PAQR5: variants seen among roughly 807,000 people sequenced by gnomAD.
The protein encoded by PAQR5 is membrane progestin receptor gamma.
PAQR5 carries 20 observed loss-of-function variants against 34.5 expected under a neutral mutation model. The observed-to-expected ratio is 0.58, with a 90% CI of 0.41 to 0.84. The LOEUF is 0.84. Among genes scored for constraint, PAQR5 ranks in the 40% least tolerant of loss-of-function variants. The pLI is 0.00. For missense variants in PAQR5, 378 were observed against 412.7 expected (o/e 0.92, Z 0.73); for synonymous variants, 131 against 155.6 (o/e 0.84, Z 1.18).
At chr15:69,343,032 G>A (rs1047045762) in intron 2 of PAQR5, among the ~76,000 whole-genome samples, 1 of 152,204 alleles carries the variant, frequency 6.6e-6, no homozygotes, top group African/African-American at 2.4e-5. Flanking sequence ...GCTTCTTTGG[G>A]TCAAATGTAT....
At chr15:69,309,526 A>G (rs1463080364) in intron 1 of PAQR5, among the ~76,000 whole-genome samples, 2 of 152,178 alleles carry the variant, frequency 1.3e-5, no homozygotes, top group African/African-American at 2.4e-5. Flanking sequence ...GAAGCCAGAA[A>G]GGGAAGTGGG....
chr15:69,355,091 A>T (rs12909546), intron 2 of PAQR5, among the ~76,000 whole-genome samples: 1 of 151,986 alleles, frequency 6.6e-6, no homozygotes, highest in South Asian at 2.1e-4. Context: ...CCAGCTTGTT[A>T]GAGAGCCTGT....
rs2056714305 is a variant in PAQR5 at position 69,404,068 on chromosome 15, A to G, written c.*246A>G. On this transcript the variant is annotated 3_prime_UTR_variant, in exon 9 of 9. Transcript: ENST00000395407. ...AAGTCCTTGTTAAGGCAAACTATTG[A>G]TATTTCATTAATTTTAAATTTACTT... 1 of 423,680 alleles carries G rather than the reference A, an allele frequency of 2.4e-6. No homozygotes were observed. Among genetic ancestry groups the G allele is most frequent in the Admixed American group, 4.1e-5 (1 of 24,442 alleles). The allele number at this position is 423,680 out of a possible 1,614,324, so 26.2% of individuals were successfully genotyped here. A position where few individuals can be genotyped will look rare whatever the true frequency, so the allele number is the denominator to read the frequency against.
intron 2 of PAQR5, among the ~76,000 whole-genome samples, chr15:69,357,084 C>A (rs1449494711): frequency 6.6e-6 from 1 of 151,924 alleles, no homozygotes; most frequent in Admixed American, 6.6e-5. Context: ...CTCTCTTGCT[C>A]CTGCTTTCGC....
intron 1 of PAQR5, among the ~76,000 whole-genome samples, chr15:69,318,320 G>A (rs1052796471): frequency 2.0e-5 from 3 of 152,238 alleles, no homozygotes; most frequent in Non-Finnish European, 4.4e-5. Context: ...GCACAAGGCA[G>A]GATTTGGTGT....
At chr15:69,384,296 AGTGG>A in intron 4 of PAQR5, among the ~76,000 whole-genome samples, 1 of 111,030 alleles carries the variant, frequency 9.0e-6, no homozygotes, top group African/African-American at 3.6e-5. Flanking sequence ...GTGGAGGGTG[AGTGG>A]GCCCTCCGTG....
At chr15:69,399,741 G>C (rs757205184) in intron 7 of PAQR5, among the ~76,000 whole-genome samples, 3 of 152,106 alleles carry the variant, frequency 2.0e-5, no homozygotes. Flanking sequence ...CAATAGTCTC[G>C]AGTCTCAATC....
intron 1 of PAQR5, among the ~76,000 whole-genome samples, chr15:69,309,859 G>A (rs2053792235): frequency 6.6e-6 from 1 of 151,940 alleles, no homozygotes; most frequent in Non-Finnish European, 1.5e-5. Context: ...GACCAGCCTG[G>A]ACAACAAGGT....
intron 1 of PAQR5, among the ~76,000 whole-genome samples, chr15:69,336,720 G>T (rs2054522492): frequency 6.6e-6 from 1 of 152,168 alleles, no homozygotes; most frequent in South Asian, 2.1e-4. Context: ...AGAATAGACA[G>T]AAAACTTTCA....
chr15:69,342,877 C>T (rs1045147815), intron 2 of PAQR5, among the ~76,000 whole-genome samples: 9 of 152,376 alleles, frequency 5.9e-5, no homozygotes, highest in Admixed American at 3.3e-4. Context: ...CACCTTGCAG[C>T]ACTGGCTAAA....
At position 69,300,617 on chromosome 15, in the gene PAQR5, CTTTCTTTCT is replaced by C. The variant is rs1295847546; in HGVS notation, c.-277+1564_-277+1572del. Among the ~76,000 whole-genome samples, 188 of 52,656 alleles carry C rather than the reference CTTTCTTTCT, an allele frequency of 3.6e-3. 24 individuals are homozygous for C. The highest frequency in any genetic ancestry group is 0.012 in the African/African-American group (185 of 15,978). 34.5% of individuals were successfully genotyped at this position (52,656 alleles called of 152,430 possible). A position where few individuals can be genotyped will look rare whatever the true frequency, so the allele number is the denominator to read the frequency against. On this transcript the variant is annotated intron_variant, in intron 1 of 8. Transcript: ENST00000395407. ...TCTTTCTTTCTTTCTTTCTTTCTTT[CTTTCTTTCT>C]TTCTTTCTTTCTTTCTTTCTTTCTT... is the stretch of plus-strand genomic sequence containing the variant.
intron 1 of PAQR5, among the ~76,000 whole-genome samples, chr15:69,305,597 C>A (rs1458668641): frequency 6.6e-6 from 1 of 151,980 alleles, no homozygotes. Flanking sequence ...TGCGGGGCAG[C>A]GTGGTGAGTA....
At chr15:69,333,765 G>A (rs946360675) in intron 1 of PAQR5, among the ~76,000 whole-genome samples, 2 of 152,004 alleles carry the variant, frequency 1.3e-5, no homozygotes, top group Admixed American at 6.6e-5. Context: ...ATGCTTTCCC[G>A]GCCCTGCTCC....
In PAQR5 at chr15:69,351,502, A is replaced by T. The variant is rs537797404; in HGVS notation, c.-115-8464A>T. Among the ~76,000 whole-genome samples, 4 of 152,306 alleles carry T rather than the reference A, an allele frequency of 2.6e-5. 1 individual carries two copies. The highest frequency in any genetic ancestry group is 9.6e-5 in the African/African-American group (4 of 41,550). ...GCCTTTTTCTCCAACCCTGTCTATA[A>T]AGCCCACCAGAAGCAACTTGCTCTC... On this transcript the variant is annotated intron_variant, in intron 2 of 8. Transcript: ENST00000395407.
intron 5 of PAQR5, among the ~76,000 whole-genome samples, chr15:69,388,222 G>C (rs1216868091): frequency 1.3e-5 from 2 of 152,120 alleles, no homozygotes; most frequent in East Asian, 3.8e-4. Flanking sequence ...CCTCCCTCAG[G>C]CCATCCTGTG....
At chr15:69,346,161 T>G (rs11632607) in intron 2 of PAQR5, among the ~76,000 whole-genome samples, 151,646 of 152,222 alleles carry the variant, frequency 1, 75,535 homozygotes, top group Middle Eastern at 1. Flanking sequence ...GAAATTAAGG[T>G]CTTGGATTAT....
Position 69,406,810 on chromosome 15 carries a change from C to T in PAQR5, c.*2988C>T. On this transcript the variant is annotated 3_prime_UTR_variant, in exon 9 of 9. Coordinates refer to ENST00000395407, the MANE Select transcript of PAQR5 (RefSeq NM_017705.4). ...GCTTGAACCCAGGAGTTGGATGCTG[C>T]AGTGAGCTATGATTGCGCCATTGCG... 1 of 151,334 alleles carries T rather than the reference C, an allele frequency of 6.6e-6. No homozygotes were observed. The highest frequency in any genetic ancestry group is 1.5e-5 in the Non-Finnish European group (1 of 68,060). The allele number at this position is 151,334 out of a possible 1,614,324, so 9.4% of individuals were successfully genotyped here. A position where few individuals can be genotyped will look rare whatever the true frequency, so the allele number is the denominator to read the frequency against.
At chr15:69,359,081 A>G (rs1297036826) in intron 2 of PAQR5, among the ~76,000 whole-genome samples, 1 of 152,170 alleles carries the variant, frequency 6.6e-6, no homozygotes, top group Non-Finnish European at 1.5e-5. Flanking sequence ...GTGAGGGCCC[A>G]TTCCTCATAG....
chr15:69,363,736 A>C (rs2140858671), intron 3 of PAQR5, among the ~76,000 whole-genome samples: 1 of 151,972 alleles, frequency 6.6e-6, no homozygotes, highest in Middle Eastern at 3.4e-3. Flanking sequence ...CATTTTCAGT[A>C]ACAACAGGGT....
Sources: gnomAD v4.1 joint callset for allele counts (sites outside exome capture counted in the v4.1 genomes callset) on GRCh38, gnomAD v4.1.1 for gene constraint, MANE v1.5 for transcripts, NCBI Gene and HGNC (gene_info 2026-07-23, HGNC 2026-07-21) for gene names.